CDC45: variants seen among roughly 807,000 people sequenced by gnomAD.
CDC45 encodes cell division control protein 45 homolog.
In CDC45, 54 loss-of-function variants were observed where a neutral mutation model predicts 77.8. That is an observed-to-expected ratio of 0.69 (90% CI 0.56 to 0.87). The LOEUF (loss-of-function observed/expected upper bound fraction) is 0.87, where lower values mean the gene tolerates loss of function less well. CDC45 is among the 40% of genes least tolerant of loss of function. The probability of loss-of-function intolerance (pLI) is 0.00; values close to 1 mark genes in which losing one functional copy is unlikely to be tolerated. For synonymous variants in CDC45, 260 were observed against 272.1 expected (o/e 0.96, Z 0.44); for missense variants, 649 against 721.6 (o/e 0.90, Z 1.15).
chr22:19,507,912 T>A, intron 12 of CDC45, 48 bp downstream of exon 12: 2 of 1,276,682 alleles, frequency 1.6e-6, no homozygotes, highest in Non-Finnish European at 2.3e-6. Context: ...CCAGGTTCAT[T>A]AAAGTGAAGG....
chr22:19,508,622 T>C lies in CDC45; in HGVS notation c.1148T>C (p.Leu383Ser). 6.2e-7 allele frequency: 1 copy of C among 1,614,214 alleles called. No homozygotes were observed. Among genetic ancestry groups the C allele is most frequent in the East Asian group, 2.2e-5 (1 of 44,882 alleles). ...GACGTGGTCTTTGCCACCATGTCTT[T>C]GATGGAGAGCCCCGAGAAGGATGGC... ...ASDVVFATMS[L>S]MESPEKDGSG... The change falls in exon 13 of 19, where the codon TTG (leucine) becomes TCG (serine). Residue 383 changes from leucine to serine, a missense_variant. Transcript: ENST00000263201.
chr22:19,492,367 T>C (rs2090166462), intron 5 of CDC45, among the ~76,000 whole-genome samples: 1 of 152,152 alleles, frequency 6.6e-6, no homozygotes. Context: ...GCTGAGTTAA[T>C]ATTCCAGTTG....
chr22:19,487,704 G>A (rs1289269413), intron 5 of CDC45, among the ~76,000 whole-genome samples: 3 of 151,910 alleles, frequency 2.0e-5, no homozygotes, highest in Non-Finnish European at 4.4e-5. Flanking sequence ...ACGAGGTCAG[G>A]AGATTGAGAC....
chr22:19,505,553 C>G, intron 10 of CDC45, 72 bp downstream of exon 10: 4 of 1,564,434 alleles, frequency 2.6e-6, no homozygotes, highest in Non-Finnish European at 3.5e-6. Context: ...CTTTGTCACC[C>G]TCTGTGGGTT....
At chr22:19,492,052 C>T (rs142219970) in intron 5 of CDC45, among the ~76,000 whole-genome samples, 2,765 of 152,154 alleles carry the variant, frequency 0.018, 98 homozygotes, top group African/African-American at 0.062. Context: ...GCAATCTGCC[C>T]GCCTCGGCCT....
chr22:19,505,895 G>C (rs1933144468), intron 10 of CDC45, among the ~76,000 whole-genome samples: 1 of 152,186 alleles, frequency 6.6e-6, no homozygotes, highest in Admixed American at 6.5e-5. Context: ...CACAGTCTCA[G>C]CCACACTCAG....
At chr22:19,498,441 G>GC (rs1175712952) in intron 8 of CDC45, among the ~76,000 whole-genome samples, 2 of 152,218 alleles carry the variant, frequency 1.3e-5, no homozygotes, top group African/African-American at 4.8e-5. Context: ...GCTGCACCTG[G>GC]CATGACCGAG....
chr22:19,492,402 C>CCA, intron 5 of CDC45, among the ~76,000 whole-genome samples: 1 of 151,758 alleles, frequency 6.6e-6, no homozygotes, highest in South Asian at 2.1e-4. Context: ...AAACTTTCTT[C>CCA]TATATATATA....
chr22:19,489,329 T>TA (rs200975026), intron 5 of CDC45, among the ~76,000 whole-genome samples: 6,166 of 143,006 alleles, frequency 0.043, 193 homozygotes, highest in East Asian at 0.12. Context: ...GGTATTGCTT[T>TA]AAAAAAAAAA....
intron 5 of CDC45, among the ~76,000 whole-genome samples, chr22:19,492,110 G>C (rs1416048987): frequency 6.6e-6 from 1 of 152,064 alleles, no homozygotes; most frequent in East Asian, 1.9e-4. Context: ...CCAGCCAGCA[G>C]GTTTATGTCT....
At chr22:19,514,100 G>A (rs1398440168) in intron 13 of CDC45, among the ~76,000 whole-genome samples, 1 of 152,142 alleles carries the variant, frequency 6.6e-6, no homozygotes, top group Non-Finnish European at 1.5e-5. Flanking sequence ...ACTTTCTTTA[G>A]TTCTCCAAAT....
At chr22:19,507,958 A>G in intron 12 of CDC45, 94 bp downstream of exon 12, 1 of 810,198 alleles carries the variant, frequency 1.2e-6, no homozygotes, top group African/African-American at 1.7e-5. Context: ...ATAATGCAAA[A>G]AAAACCAACG....
Position 19,480,232 on chromosome 22 carries a change from C to T in CDC45, c.111+15C>T. 1 of 1,612,532 alleles carries T rather than the reference C, an allele frequency of 6.2e-7. No homozygotes were observed. Among genetic ancestry groups the T allele is most frequent in the South Asian group, 1.1e-5 (1 of 91,058 alleles). ...AGATCCTTCAGGTGAGTTCTGCGGA[C>T]CCTAGGAGGGCGGGGCCGGCGCGCG... On this transcript the variant is annotated intron_variant, in intron 2 of 18. Coordinates refer to ENST00000263201, the MANE Select transcript of CDC45 (RefSeq NM_003504.5).
chr22:19,507,881 C>G lies in CDC45; in HGVS notation c.1055+17C>G. ...TAAATTTGGGTAAACACACATTTTT[C>G]TGGATTTATCTTCATTACATCCAGG... On this transcript the variant is annotated intron_variant, in intron 12 of 18. Transcript: ENST00000263201. 1 of 1,486,542 alleles carries G rather than the reference C, an allele frequency of 6.7e-7. No homozygotes were observed. Among genetic ancestry groups the G allele is most frequent in the Non-Finnish European group, 9.3e-7 (1 of 1,072,002 alleles). The allele number at this position is 1,486,542 out of a possible 1,614,324, so 92.1% of individuals were successfully genotyped here.
At chr22:19,500,530 A>T (rs976077370) in intron 9 of CDC45, among the ~76,000 whole-genome samples, 1 of 152,080 alleles carries the variant, frequency 6.6e-6, no homozygotes, top group African/African-American at 2.4e-5. Context: ...AACCTTAGGA[A>T]ATGCCGTTTT....
At chr22:19,519,824 G>A (rs957715290) in intron 18 of CDC45, among the ~76,000 whole-genome samples, 6 of 152,216 alleles carry the variant, frequency 3.9e-5, no homozygotes, top group Non-Finnish European at 8.8e-5. Context: ...CTCTCAGGGT[G>A]GCCTGGGCTA....
chr22:19,495,070 G>A (rs1350539682), intron 6 of CDC45, among the ~76,000 whole-genome samples: 1 of 152,130 alleles, frequency 6.6e-6, no homozygotes, highest in Non-Finnish European at 1.5e-5. Flanking sequence ...ACCAAAAAAG[G>A]ATAATATAAA....
chr22:19,510,528 CTT>C (rs1933454355), intron 13 of CDC45, among the ~76,000 whole-genome samples: 1 of 152,120 alleles, frequency 6.6e-6, no homozygotes. Context: ...GATTATATGT[CTT>C]TTCCCTCGTC....
intron 5 of CDC45, among the ~76,000 whole-genome samples, chr22:19,485,593 A>G (rs527477398): frequency 6.6e-6 from 1 of 152,346 alleles, no homozygotes; most frequent in South Asian, 2.1e-4. Flanking sequence ...GGTTGTCTTG[A>G]TGAGATACAG....
Sources: allele counts gnomAD v4.1 joint callset (sites outside exome capture counted in the v4.1 genomes callset), GRCh38; gene constraint gnomAD v4.1.1; transcripts MANE v1.5; gene names NCBI Gene and HGNC (gene_info 2026-07-23, HGNC 2026-07-21).